The following MEIS1 variants were observed in gnomAD, a reference collection of about 807,000 sequenced individuals.
MEIS1 encodes the protein Meis homeobox 1.
A neutral mutation model predicts 50.8 loss-of-function variants in MEIS1; 5 were observed. The ratio of observed to expected loss-of-function variants is 0.10; its 90% CI spans 0.05 to 0.21. The LOEUF (loss-of-function observed/expected upper bound fraction) is 0.21, where lower values mean the gene tolerates loss of function less well. Ranked by LOEUF, MEIS1 falls within the 10% of genes least tolerant of loss-of-function variation. MEIS1 has a pLI of 1.00. For missense variants in MEIS1, 318 were observed against 517.3 expected (o/e 0.61, Z 3.74); for synonymous variants, 176 against 179.3 (o/e 0.98, Z 0.15).
chr2:66,437,007 A>C, intron 1 of MEIS1: 1 of 926,212 alleles, frequency 1.1e-6, no homozygotes, highest in African/African-American at 1.8e-5. Context: ...TAAATAAGAA[A>C]ATAGAATATT....
intron 6 of MEIS1, among the ~76,000 whole-genome samples, chr2:66,461,096 A>G (rs978797064): frequency 1.3e-5 from 2 of 152,180 alleles, no homozygotes. Context: ...AAGGTTTTTT[A>G]TTTATCTAAT....
intron 6 of MEIS1, among the ~76,000 whole-genome samples, chr2:66,448,170 C>T (rs1405142096): frequency 2.0e-5 from 3 of 151,990 alleles, no homozygotes; most frequent in African/African-American, 7.2e-5. Context: ...AAAATGTGGG[C>T]CGGGCTTTCA....
intron 8 of MEIS1, among the ~76,000 whole-genome samples, chr2:66,524,049 T>C (rs934615439): frequency 2.0e-5 from 3 of 152,222 alleles, no homozygotes; most frequent in Admixed American, 1.3e-4. Flanking sequence ...CAAAATTTGC[T>C]CTTATGATCG....
chr2:66,451,374 T>C (rs1310472677), intron 6 of MEIS1, among the ~76,000 whole-genome samples: 1 of 152,096 alleles, frequency 6.6e-6, no homozygotes, highest in African/African-American at 2.4e-5. Flanking sequence ...TTTATGACTA[T>C]TATGAAACTC....
chr2:66,443,009 C>G lies in MEIS1; in HGVS notation c.591C>G (p.Asp197Glu). The change falls in exon 6 of 13, where the codon GAC becomes GAG. Residue 197 changes from aspartate (D) to glutamate (E), a missense_variant. This residue lies in a region of MEIS1 where 48 missense variants were observed against 50.9 expected (regional missense o/e 0.94). Transcript: ENST00000272369. Reference protein sequence around the residue: ...IDDREGGSKSDSEDITRSANL... With the variant: ...IDDREGGSKSESEDITRSANL... ...ATAGAGAAGGAGGATCAAAATCAGACAGTGAAGATATAACAAGATCAGCAA... is the reference window on the plus strand; with the variant it reads ...ATAGAGAAGGAGGATCAAAATCAGAGAGTGAAGATATAACAAGATCAGCAA... The G allele has an allele frequency of 1.9e-6, 3 of 1,601,268 alleles. No homozygotes were observed. Among genetic ancestry groups the G allele is most frequent in the Non-Finnish European group, 2.6e-6 (3 of 1,175,314 alleles).
At chr2:66,487,373 C>T (rs1310965175) in intron 7 of MEIS1, among the ~76,000 whole-genome samples, 1 of 152,146 alleles carries the variant, frequency 6.6e-6, no homozygotes, top group Non-Finnish European at 1.5e-5. Flanking sequence ...GATACACACA[C>T]ATATATGTAT....
At chr2:66,436,257 T>C (rs1671794273) in intron 1 of MEIS1, among the ~76,000 whole-genome samples, 1 of 152,238 alleles carries the variant, frequency 6.6e-6, no homozygotes, top group Admixed American at 6.5e-5. Context: ...TTGATTATGC[T>C]CATCTTTAAT....
At chr2:66,513,772 C>T (rs567531783) in intron 8 of MEIS1, among the ~76,000 whole-genome samples, 4 of 152,278 alleles carry the variant, frequency 2.6e-5, no homozygotes, top group African/African-American at 7.2e-5. Flanking sequence ...TACCTAGAAT[C>T]TGATTCAGGC....
In MEIS1 at chr2:66,437,648, A is replaced by G; in HGVS notation, c.13-89A>G. ...ATTCCGGGTGGAAGGACCCAGCTGTATTGACCTTATATAAGCTCGGTGCCT... is the reference window on the plus strand; with the variant it reads ...ATTCCGGGTGGAAGGACCCAGCTGTGTTGACCTTATATAAGCTCGGTGCCT... On this transcript the variant is annotated intron_variant, in intron 1 of 12. Transcript: ENST00000272369. 7 of 1,161,402 alleles carry G rather than the reference A, an allele frequency of 6.0e-6. No individual in the cohort carries two copies. In the East Asian group the frequency reaches 1.5e-4, roughly 25 times the overall value. The allele number at this position is 1,161,402 out of a possible 1,614,324, so 71.9% of individuals were successfully genotyped here.
At chr2:66,468,420 A>C (rs898500868) in intron 7 of MEIS1, among the ~76,000 whole-genome samples, 2 of 152,206 alleles carry the variant, frequency 1.3e-5, no homozygotes, top group African/African-American at 4.8e-5. Flanking sequence ...TTTGCTTTAA[A>C]GTTAAGAGAG....
intron 9 of MEIS1, among the ~76,000 whole-genome samples, chr2:66,555,330 C>A (rs1219041712): frequency 7.2e-6 from 1 of 139,580 alleles, no homozygotes; most frequent in African/African-American, 2.7e-5. Context: ...TGGCTCCACT[C>A]CAAGCATACG....
rs188693906 is a variant in MEIS1 at position 66,491,790 on chromosome 2, C to T, written c.743-20359C>T. Among the ~76,000 whole-genome samples the T allele has an allele frequency of 4.6e-5, 7 of 152,076 alleles. No individual in the cohort carries two copies. The South Asian group carries it at 8.3e-4, about 18-fold the overall frequency. ...TACATTCACAGAGTGTGTGGGGCTT[C>T]GTACACTCCCTTAATTCCACAATGG... On this transcript the variant is annotated intron_variant, in intron 7 of 12. Coordinates refer to ENST00000272369, the MANE Select transcript of MEIS1 (RefSeq NM_002398.3).
rs368002908 is a variant in MEIS1 at position 66,544,639 on chromosome 2, AAT to A, written c.889-3293_889-3292del. 9.9e-4 allele frequency among the ~76,000 whole-genome samples: 150 copies of A among 152,112 alleles called. 1 individual carries two copies. Among genetic ancestry groups the A allele is most frequent in the African/African-American group, 3.1e-3 (127 of 41,512 alleles). Reference sequence around the variant, plus strand: ...CAGGCTCATTCATTTGTATTAAAAAAATATATATATATCCCGAACAACTGAAA... The same window carrying A: ...CAGGCTCATTCATTTGTATTAAAAAAATATATATATCCCGAACAACTGAAA... On this transcript the variant is annotated intron_variant, in intron 8 of 12. Coordinates refer to ENST00000272369, the MANE Select transcript of MEIS1 (RefSeq NM_002398.3).
intron 8 of MEIS1, among the ~76,000 whole-genome samples, 174 bp downstream of exon 8, chr2:66,512,468 G>T (rs898046092): frequency 6.6e-6 from 1 of 152,092 alleles, no homozygotes; most frequent in South Asian, 2.1e-4. Flanking sequence ...TACCCCAAAT[G>T]AGAAATTTTA....
intron 6 of MEIS1, among the ~76,000 whole-genome samples, chr2:66,462,564 C>G (rs1672544006): frequency 6.6e-6 from 1 of 152,146 alleles, no homozygotes; most frequent in Non-Finnish European, 1.5e-5. Flanking sequence ...GGTGCTGTAC[C>G]ATTCTTTCTG....
chr2:66,435,489 G>A lies in MEIS1; in HGVS notation c.-368G>A. On this transcript the variant is annotated 5_prime_UTR_variant, in exon 1 of 13. Transcript: ENST00000272369. ...TCGCCTGTGATTGACAGCTGGAGTG[G>A]CAGAAAGCCATGAGATTTGGTAGTT... 1 of 351,984 alleles carries A rather than the reference G, an allele frequency of 2.8e-6. No homozygotes were observed. Among genetic ancestry groups the A allele is most frequent in the Non-Finnish European group, 5.0e-6 (1 of 199,654 alleles). The allele number at this position is 351,984 out of a possible 1,614,324, so 21.8% of individuals were successfully genotyped here. A position where few individuals can be genotyped will look rare whatever the true frequency, so the allele number is the denominator to read the frequency against.
intron 8 of MEIS1, among the ~76,000 whole-genome samples, chr2:66,540,811 CAT>C (rs1324234538): frequency 7.9e-5 from 12 of 152,022 alleles, no homozygotes; most frequent in South Asian, 2.1e-4. Flanking sequence ...ATTTCTGTAA[CAT>C]ATGTGTAGCT....
intron 7 of MEIS1, among the ~76,000 whole-genome samples, chr2:66,470,450 C>T (rs781486775): frequency 5.3e-5 from 8 of 152,102 alleles, no homozygotes; most frequent in Non-Finnish European, 8.8e-5. Context: ...AACTGTTTTC[C>T]CAAGAACACC....
chr2:66,531,994 ACCAGATGT>A (rs1572883397), intron 8 of MEIS1, among the ~76,000 whole-genome samples: 1 of 151,802 alleles, frequency 6.6e-6, no homozygotes, highest in Non-Finnish European at 1.5e-5. Context: ...TTTTGGGTGG[ACCAGATGT>A]CCTTTGCATG....
Sources: allele counts gnomAD v4.1 joint callset (sites outside exome capture counted in the v4.1 genomes callset), GRCh38; gene constraint gnomAD v4.1.1; regional missense constraint gnomAD v4.1.1; transcripts MANE v1.5; gene names NCBI Gene and HGNC (gene_info 2026-07-23, HGNC 2026-07-21).